The following FARS2 variants were observed in gnomAD, a reference collection of about 807,000 sequenced individuals.
FARS2 encodes phenylalanine--tRNA ligase, mitochondrial.
In FARS2, 40 loss-of-function variants were observed where a neutral mutation model predicts 46.4. That is an observed-to-expected ratio of 0.86 (90% confidence interval 0.67 to 1.12). The LOEUF (loss-of-function observed/expected upper bound fraction) is 1.12, where lower values mean the gene tolerates loss of function less well. Among genes scored for constraint, FARS2 ranks in the 50% most tolerant of loss-of-function variants. FARS2 has a pLI of 0.00. For synonymous variants in FARS2, 234 were observed against 214.9 expected, an observed-to-expected ratio of 1.09 and a Z score of -0.78; for missense variants, 513 against 567.9, an observed-to-expected ratio of 0.90 and a Z score of 0.98.
At chr6:5,661,236 C>A (rs895569285) in intron 6 of FARS2, among the ~76,000 whole-genome samples, 1 of 152,200 alleles carries the variant, frequency 6.6e-6, no homozygotes, top group African/African-American at 2.4e-5. Context: ...GTTAAGGACA[C>A]AACTGGTTGA....
chr6:5,553,258 G>T (rs1463964661), intron 5 of FARS2, among the ~76,000 whole-genome samples: 6 of 152,184 alleles, frequency 3.9e-5, no homozygotes, highest in African/African-American at 1.4e-4. Context: ...AGGAGTAGAT[G>T]AGGATGGATG....
chr6:5,500,793 G>A (rs757603614), intron 4 of FARS2, among the ~76,000 whole-genome samples: 1 of 152,070 alleles, frequency 6.6e-6, no homozygotes, highest in Non-Finnish European at 1.5e-5. Flanking sequence ...TCACAGAACC[G>A]GTAGAAGAGT....
chr6:5,478,671 G>T (rs1766268260), intron 4 of FARS2, among the ~76,000 whole-genome samples: 1 of 152,174 alleles, frequency 6.6e-6, no homozygotes, highest in Non-Finnish European at 1.5e-5. Flanking sequence ...TGCAAGTGCG[G>T]AACAACCAGC....
chr6:5,279,811 A>T (rs1766600310), intron 1 of FARS2, among the ~76,000 whole-genome samples: 2 of 152,106 alleles, frequency 1.3e-5, no homozygotes, highest in African/African-American at 4.8e-5. Flanking sequence ...CCATTTTTCT[A>T]TTCAGGACCT....
intron 5 of FARS2, among the ~76,000 whole-genome samples, chr6:5,546,461 A>G (rs905175792): frequency 3.3e-5 from 5 of 151,340 alleles, no homozygotes; most frequent in East Asian, 1.9e-4. Context: ...CATGTTGGCC[A>G]GGCTGGTCTC....
intron 5 of FARS2, among the ~76,000 whole-genome samples, chr6:5,565,793 T>C (rs1026518193): frequency 2.6e-5 from 4 of 152,162 alleles, no homozygotes; most frequent in African/African-American, 9.7e-5. Context: ...AAGCCAGGCA[T>C]CATGAAGGAC....
intron 3 of FARS2, among the ~76,000 whole-genome samples, chr6:5,406,183 T>C (rs747513223): frequency 6.6e-6 from 1 of 152,194 alleles, no homozygotes; most frequent in Non-Finnish European, 1.5e-5. Context: ...TCTCCTTTAC[T>C]CTCTTATTCT....
At chr6:5,575,007 G>A (rs888800823) in intron 5 of FARS2, among the ~76,000 whole-genome samples, 3 of 152,120 alleles carry the variant, frequency 2.0e-5, no homozygotes, top group African/African-American at 7.2e-5. Flanking sequence ...AACCCAAGTT[G>A]TTCAAGGGTG....
At chr6:5,250,537 T>G in the FARS2 span, among the ~76,000 whole-genome samples, 1 of 152,210 alleles carries the variant, frequency 6.6e-6, no homozygotes, top group Admixed American at 6.5e-5. Flanking sequence ...AAAATGTTTT[T>G]TGGAAACTCC....
chr6:5,252,158 G>C, the FARS2 span, among the ~76,000 whole-genome samples: 3 of 152,192 alleles, frequency 2.0e-5, no homozygotes, highest in Middle Eastern at 3.2e-3. Flanking sequence ...CTATAAGGAG[G>C]AACTGTGAAA....
At chr6:5,338,233 C>A (rs1318560261) in intron 1 of FARS2, among the ~76,000 whole-genome samples, 2 of 152,060 alleles carry the variant, frequency 1.3e-5, no homozygotes, top group African/African-American at 2.4e-5. Context: ...GTAGAGTTAT[C>A]TTTTTAAAAA....
At position 5,686,350 on chromosome 6, in the gene FARS2, C is replaced by G. The variant is rs540868315; in HGVS notation, c.1217+73030C>G. ...TATATCTCCTAATGCTCTCCCCCCC[C>G]GCTGCCCACACCACGCAACAGGCCC... On this transcript the variant is annotated intron_variant, in intron 6 of 6. Coordinates refer to ENST00000274680, the MANE Select transcript of FARS2 (RefSeq NM_006567.5). Among the ~76,000 whole-genome samples, 22 of 148,492 alleles carry G rather than the reference C, an allele frequency of 1.5e-4. 1 individual carries two copies. The East Asian group carries it at 2.1e-3, about 14-fold the overall frequency.
chr6:5,408,477 A>G (rs1761744051), intron 3 of FARS2, among the ~76,000 whole-genome samples: 1 of 152,226 alleles, frequency 6.6e-6, no homozygotes, highest in Non-Finnish European at 1.5e-5. Flanking sequence ...GTAGACTCTT[A>G]TGACCATGGA....
intron 1 of FARS2, among the ~76,000 whole-genome samples, chr6:5,361,994 CCAAAGAA>C (rs752742256): frequency 4.7e-4 from 71 of 152,176 alleles, no homozygotes; most frequent in Non-Finnish European, 8.1e-4. Flanking sequence ...TGTCATTGTG[CCAAAGAA>C]TGCTTACAGC....
chr6:5,445,347 T>C (rs535349714), intron 4 of FARS2, among the ~76,000 whole-genome samples: 139 of 152,352 alleles, frequency 9.1e-4, no homozygotes, highest in Middle Eastern at 3.4e-3. Context: ...AAAGGCAATT[T>C]AGAAGTTTAG....
Position 5,741,096 on chromosome 6 carries a change from G to A in FARS2, c.1218-30195G>A, listed in dbSNP as rs77192675. 5.6e-4 allele frequency among the ~76,000 whole-genome samples: 86 copies of A among 152,288 alleles called. 1 individual carries two copies. In the East Asian group the frequency reaches 0.016, roughly 29 times the overall value. ...CCTCCCACACCAACCTCCGCATCCC[G>A]AGAGAGTTGGTGCACATCCAGATCT... On this transcript the variant is annotated intron_variant, in intron 6 of 6. Coordinates refer to ENST00000274680, the MANE Select transcript of FARS2 (RefSeq NM_006567.5).
chr6:5,320,875 C>T (rs543789493), intron 1 of FARS2, among the ~76,000 whole-genome samples: 1 of 152,174 alleles, frequency 6.6e-6, no homozygotes, highest in Non-Finnish European at 1.5e-5. Context: ...GCACTTTCTA[C>T]CTGTGCCCTC....
chr6:5,445,620 A>C (rs1367404550), intron 4 of FARS2, among the ~76,000 whole-genome samples: 1 of 152,232 alleles, frequency 6.6e-6, no homozygotes, highest in African/African-American at 2.4e-5. Context: ...CTTGATAGTC[A>C]CCTAAGTATG....
chr6:5,674,525 T>C (rs1255287600), intron 6 of FARS2, among the ~76,000 whole-genome samples: 1 of 152,216 alleles, frequency 6.6e-6, no homozygotes, highest in Non-Finnish European at 1.5e-5. Flanking sequence ...AATTCTTATT[T>C]CCCGGCAACT....
Sources: gnomAD v4.1 joint callset for allele counts (sites outside exome capture counted in the v4.1 genomes callset) on GRCh38, gnomAD v4.1.1 for gene constraint, MANE v1.5 for transcripts, NCBI Gene and HGNC (gene_info 2026-07-23, HGNC 2026-07-21) for gene names.